The following OLFM3 variants were observed in gnomAD, a reference collection of about 807,000 sequenced individuals.
OLFM3 encodes noelin-3.
OLFM3 carries 20 observed loss-of-function variants against 48.6 expected under a neutral mutation model. That is an observed-to-expected ratio of 0.41 (90% confidence interval 0.29 to 0.60). The LOEUF is 0.60. Ranked by LOEUF, OLFM3 falls within the 20% of genes least tolerant of loss-of-function variation. The probability of loss-of-function intolerance (pLI) is 0.28; values close to 1 mark genes in which losing one functional copy is unlikely to be tolerated. For synonymous variants in OLFM3, 222 were observed against 198.1 expected, an observed-to-expected ratio of 1.12 and a Z score of -1.01; for missense variants, 437 against 544.3, an observed-to-expected ratio of 0.80 and a Z score of 1.96.
intron 1 of OLFM3, among the ~76,000 whole-genome samples, chr1:101,869,072 G>A (rs1656970614): frequency 6.6e-6 from 1 of 152,238 alleles, no homozygotes; most frequent in African/African-American, 2.4e-5. Flanking sequence ...GAAGGAAAAT[G>A]TGGGGTCAGA....
intron 1 of OLFM3, among the ~76,000 whole-genome samples, chr1:101,991,761 G>A (rs902269814): frequency 6.7e-6 from 1 of 150,168 alleles, no homozygotes; most frequent in Non-Finnish European, 1.5e-5. Context: ...ATGTTTGATA[G>A]GTGAATGGAT....
chr1:101,909,120 A>G (rs1014321388), intron 1 of OLFM3, among the ~76,000 whole-genome samples: 3 of 152,106 alleles, frequency 2.0e-5, no homozygotes, highest in Admixed American at 1.3e-4. Flanking sequence ...TATACAATAC[A>G]TTTCTCACTC....
chr1:101,860,124 A>C (rs774299393), intron 1 of OLFM3, among the ~76,000 whole-genome samples: 1 of 152,024 alleles, frequency 6.6e-6, no homozygotes, highest in Non-Finnish European at 1.5e-5. Flanking sequence ...GCTATGTAAG[A>C]GAAGTGTGAG....
At chr1:101,916,822 C>G (rs1658943146) in intron 1 of OLFM3, among the ~76,000 whole-genome samples, 1 of 152,082 alleles carries the variant, frequency 6.6e-6, no homozygotes, top group Non-Finnish European at 1.5e-5. Context: ...GAGCCAGATA[C>G]TAAGCTATAG....
intron 1 of OLFM3, among the ~76,000 whole-genome samples, chr1:101,931,474 T>C (rs943706037): frequency 1.8e-4 from 28 of 152,192 alleles, no homozygotes; most frequent in African/African-American, 5.3e-4. Context: ...AGTAAGTGAC[T>C]CTCAGTAAGT....
chr1:101,863,117 C>T (rs1034081786), intron 1 of OLFM3, among the ~76,000 whole-genome samples: 2 of 151,890 alleles, frequency 1.3e-5, no homozygotes, highest in African/African-American at 4.8e-5. Context: ...TGAGCCATCA[C>T]ACTTGGTTAA....
In OLFM3 at chr1:101,808,606, T is replaced by C. The variant is rs532442652; in HGVS notation, c.593-2424A>G. On this transcript the variant is annotated intron_variant, in intron 4 of 5. Transcript: ENST00000370103. ...AGGCAAAGGAAAAAAAATATGAAAC[T>C]GTGTTGGTGATCTGAGTATACCTAG... 4.6e-5 allele frequency among the ~76,000 whole-genome samples: 7 copies of C among 151,864 alleles called. No homozygotes were observed. In the East Asian group the frequency reaches 1.4e-3, roughly 29 times the overall value.
intron 1 of OLFM3, among the ~76,000 whole-genome samples, chr1:101,959,177 A>T (rs1347359090): frequency 6.6e-6 from 1 of 152,112 alleles, no homozygotes; most frequent in Non-Finnish European, 1.5e-5. Flanking sequence ...GCATGCAGGC[A>T]TATCATTTAT....
intron 1 of OLFM3, among the ~76,000 whole-genome samples, chr1:101,967,309 A>AC (rs1375650300): frequency 5.5e-5 from 3 of 54,562 alleles, no homozygotes; most frequent in Non-Finnish European, 1.2e-4. Flanking sequence ...AAAAAACAAA[A>AC]AAAACAAATA....
At chr1:101,930,651 A>T (rs1423939659) in intron 1 of OLFM3, among the ~76,000 whole-genome samples, 1 of 152,216 alleles carries the variant, frequency 6.6e-6, no homozygotes, top group East Asian at 1.9e-4. Flanking sequence ...TGCTATGATA[A>T]AATGGATATG....
At chr1:101,885,290 C>T (rs759246085) in intron 1 of OLFM3, among the ~76,000 whole-genome samples, 8 of 152,146 alleles carry the variant, frequency 5.3e-5, no homozygotes, top group Admixed American at 3.9e-4. Flanking sequence ...GAGATGGGAG[C>T]TTCCAAACCA....
At chr1:101,894,374 A>T (rs796333034) in intron 1 of OLFM3, among the ~76,000 whole-genome samples, 17 of 152,250 alleles carry the variant, frequency 1.1e-4, no homozygotes, top group African/African-American at 4.1e-4. Context: ...GCTGATTATT[A>T]TCTGATATTT....
intron 1 of OLFM3, among the ~76,000 whole-genome samples, chr1:101,886,294 A>T (rs558041583): frequency 1.2e-3 from 175 of 152,166 alleles, no homozygotes; most frequent in Non-Finnish European, 2.3e-3. Context: ...AAAAGTGGAA[A>T]GACTTAAGTT....
intron 1 of OLFM3, among the ~76,000 whole-genome samples, chr1:101,857,345 A>G (rs1389993403): frequency 6.6e-6 from 1 of 152,016 alleles, no homozygotes; most frequent in Non-Finnish European, 1.5e-5. Flanking sequence ...TGCATTATCA[A>G]GAAAATAGAT....
Position 101,996,855 on chromosome 1 carries a change from G to A in OLFM3, c.-39C>T. On this transcript the variant is annotated 5_prime_UTR_variant, in exon 1 of 6. Coordinates refer to ENST00000370103, the MANE Select transcript of OLFM3 (RefSeq NM_058170.4). Reference sequence around the variant, plus strand: ...TTTGCCCCTCTTTACTCTCTTTTATGTAGGCTCTCCACTCACTGCAGAGAC... The same window carrying A: ...TTTGCCCCTCTTTACTCTCTTTTATATAGGCTCTCCACTCACTGCAGAGAC... The A allele has an allele frequency of 6.2e-7, 1 of 1,603,980 alleles. No individual in the cohort carries two copies. The highest frequency in any genetic ancestry group is 1.1e-5 in the South Asian group (1 of 90,774).
intron 1 of OLFM3, among the ~76,000 whole-genome samples, chr1:101,870,221 T>G (rs1012470510): frequency 1.3e-5 from 2 of 152,172 alleles, no homozygotes; most frequent in Admixed American, 1.3e-4. Flanking sequence ...TATATCTCTT[T>G]GTAGCTGAAA....
chr1:101,874,506 A>ATTCT (rs1314384662), intron 1 of OLFM3, among the ~76,000 whole-genome samples: 1 of 151,300 alleles, frequency 6.6e-6, no homozygotes, highest in Non-Finnish European at 1.5e-5. Context: ...AATAATAATA[A>ATTCT]TAGTAACAGC....
rs562512935 is a variant in OLFM3, at chr1:101,986,126, C to T, written c.69+10622G>A. Among the ~76,000 whole-genome samples the T allele has an allele frequency of 3.9e-5, 6 of 152,014 alleles. No homozygotes were observed. The South Asian group carries it at 1.0e-3, about 26-fold the overall frequency. On this transcript the variant is annotated intron_variant, in intron 1 of 5. Transcript: ENST00000370103. Reference sequence around the variant, plus strand: ...GACTACAGGCGCCCGCCACCACGCCCGGCTAATTTTTTGTATTTTTAGTAG... The same window carrying T: ...GACTACAGGCGCCCGCCACCACGCCTGGCTAATTTTTTGTATTTTTAGTAG...
intron 1 of OLFM3, among the ~76,000 whole-genome samples, chr1:101,892,388 A>G (rs186539649): frequency 1.5e-4 from 22 of 143,510 alleles, no homozygotes; most frequent in Admixed American, 4.8e-4. Flanking sequence ...CATCTATAGA[A>G]GCTTATGAGC....
Sources: allele counts gnomAD v4.1 joint callset (sites outside exome capture counted in the v4.1 genomes callset), GRCh38; gene constraint gnomAD v4.1.1; transcripts MANE v1.5; gene names NCBI Gene and HGNC (gene_info 2026-07-23, HGNC 2026-07-21).